The following PDE7B variants were observed in gnomAD, a reference collection of about 807,000 sequenced individuals.
PDE7B encodes the protein phosphodiesterase 7B.
PDE7B carries 29 observed loss-of-function variants against 56.2 expected under a neutral mutation model. The observed-to-expected ratio is 0.52, with a 90% CI of 0.38 to 0.70. The LOEUF (loss-of-function observed/expected upper bound fraction) is 0.70, where lower values mean the gene tolerates loss of function less well. Among genes scored for constraint, PDE7B ranks in the 30% least tolerant of loss-of-function variants. PDE7B has a pLI of 0.00. For missense variants in PDE7B, 490 were observed against 565.0 expected (o/e 0.87, Z 1.35); for synonymous variants, 197 against 196.9 (o/e 1.00, Z 0.00).
intron 3 of PDE7B, among the ~76,000 whole-genome samples, chr6:136,146,884 C>T (rs373522217): frequency 5.8e-4 from 88 of 152,220 alleles, no homozygotes; most frequent in African/African-American, 2.1e-3. Flanking sequence ...ATAAGAAATA[C>T]TAGTTAGGCC....
At chr6:136,155,521 G>A (rs1778588454) in intron 7 of PDE7B, 106 bp from the exon 8 acceptor site, 1 of 936,244 alleles carries the variant, frequency 1.1e-6, no homozygotes, top group Non-Finnish European at 1.6e-6. Flanking sequence ...TGGCTGATAG[G>A]CTTAAACAAT....
At chr6:135,978,649 CTTATT>C (rs1215220311) in intron 2 of PDE7B, among the ~76,000 whole-genome samples, 1 of 151,920 alleles carries the variant, frequency 6.6e-6, no homozygotes, top group Non-Finnish European at 1.5e-5. Flanking sequence ...TCTTTATACC[CTTATT>C]TTATAAGCTT....
chr6:136,040,234 C>T lies in PDE7B; in HGVS notation c.83-68497C>T, dbSNP rs1010108215. Among the ~76,000 whole-genome samples, 3 of 152,166 alleles carry T rather than the reference C, an allele frequency of 2.0e-5. No individual in the cohort carries two copies. The East Asian group carries it at 5.8e-4, about 29-fold the overall frequency. ...CCTGGTCTGCTGTTGAGGTTGCCTG[C>T]CTGTGTGGAGACAGGCTTTATAACA... is the stretch of plus-strand genomic sequence containing the variant. On this transcript the variant is annotated intron_variant, in intron 2 of 12. Transcript: ENST00000308191.
At chr6:135,881,524 A>G (rs9402770) in intron 1 of PDE7B, among the ~76,000 whole-genome samples, 3,006 of 152,106 alleles carry the variant, frequency 0.02, 41 homozygotes, top group South Asian at 0.036. Context: ...AAGAAATAGT[A>G]AGGTCAGTGT....
At chr6:135,992,740 GATATTAAA>G (rs766550785) in intron 2 of PDE7B, among the ~76,000 whole-genome samples, 3 of 152,152 alleles carry the variant, frequency 2.0e-5, no homozygotes, top group Non-Finnish European at 4.4e-5. Context: ...TTCATCTACG[GATATTAAA>G]ATATTATTTC....
At chr6:136,112,961 A>G (rs1213092352) in intron 3 of PDE7B, among the ~76,000 whole-genome samples, 1 of 152,158 alleles carries the variant, frequency 6.6e-6, no homozygotes, top group Non-Finnish European at 1.5e-5. Flanking sequence ...TTTCATTCCC[A>G]GAGTGTCCTG....
At chr6:135,943,737 A>T (rs1294966016) in intron 1 of PDE7B, among the ~76,000 whole-genome samples, 1 of 152,216 alleles carries the variant, frequency 6.6e-6, no homozygotes, top group Non-Finnish European at 1.5e-5. Context: ...ATCCACAAAG[A>T]TTTATGAAGG....
intron 2 of PDE7B, among the ~76,000 whole-genome samples, chr6:136,051,494 A>G (rs927690856): frequency 6.6e-6 from 1 of 152,240 alleles, no homozygotes; most frequent in Non-Finnish European, 1.5e-5. Flanking sequence ...TGCAAGAAGC[A>G]TATCCTGAAA....
intron 3 of PDE7B, among the ~76,000 whole-genome samples, chr6:136,127,284 G>T (rs981420106): frequency 6.6e-6 from 1 of 151,890 alleles, no homozygotes; most frequent in Non-Finnish European, 1.5e-5. Flanking sequence ...AGCCAAGAAT[G>T]CCCCCCCAAC....
intron 1 of PDE7B, among the ~76,000 whole-genome samples, chr6:135,873,269 A>C (rs1775423308): frequency 2.0e-5 from 3 of 152,216 alleles, no homozygotes; most frequent in Admixed American, 2.0e-4. Context: ...TCACAAACAC[A>C]AAATGACATG....
At chr6:135,981,526 AC>A (rs1562459543) in intron 2 of PDE7B, among the ~76,000 whole-genome samples, 1 of 150,660 alleles carries the variant, frequency 6.6e-6, no homozygotes, top group Non-Finnish European at 1.5e-5. Flanking sequence ...TAAAATTACT[AC>A]TTTTCAATTT....
Position 136,149,032 on chromosome 6 carries a change from T to C in PDE7B, c.319-55T>C, listed in dbSNP as rs551417393. The C allele has an allele frequency of 3.2e-4, 389 of 1,213,312 alleles. 2 individuals are homozygous for C. The East Asian group carries it at 8.8e-3, about 28-fold the overall frequency. The allele number at this position is 1,213,312 out of a possible 1,614,324, so 75.2% of individuals were successfully genotyped here. A position where few individuals can be genotyped will look rare whatever the true frequency, so the allele number is the denominator to read the frequency against. ...TTAATCCACTATATCCCAAAGTAAA[T>C]GTTTGAGTCTCCAGTGTGATTCATT... On this transcript the variant is annotated intron_variant, in intron 4 of 12. Transcript: ENST00000308191.
intron 2 of PDE7B, among the ~76,000 whole-genome samples, chr6:135,996,110 C>A (rs112368193): frequency 2.1e-4 from 32 of 152,212 alleles, no homozygotes; most frequent in African/African-American, 7.0e-4. Flanking sequence ...GACACAGGAT[C>A]TTTACCAAGA....
chr6:135,929,933 C>A (rs1774263089), intron 1 of PDE7B, among the ~76,000 whole-genome samples: 2 of 152,140 alleles, frequency 1.3e-5, no homozygotes, highest in Non-Finnish European at 2.9e-5. Context: ...AAACCTAGAG[C>A]AGTGTGTGAC....
chr6:136,051,811 C>T (rs1430700628), intron 2 of PDE7B, among the ~76,000 whole-genome samples: 1 of 152,144 alleles, frequency 6.6e-6, no homozygotes, highest in Non-Finnish European at 1.5e-5. Context: ...TTCCACCTTT[C>T]GTTCGCTACC....
At chr6:136,017,762 T>G (rs1215256392) in intron 2 of PDE7B, among the ~76,000 whole-genome samples, 2 of 152,160 alleles carry the variant, frequency 1.3e-5, no homozygotes, top group African/African-American at 2.4e-5. Flanking sequence ...ATACAATGAA[T>G]CATTCAAGCA....
chr6:135,956,438 T>C (rs1396269656), intron 2 of PDE7B, among the ~76,000 whole-genome samples: 1 of 152,050 alleles, frequency 6.6e-6, no homozygotes, highest in Non-Finnish European at 1.5e-5. Flanking sequence ...AGGTGGGTAG[T>C]GTGGAGCCAG....
intron 1 of PDE7B, among the ~76,000 whole-genome samples, chr6:135,882,854 C>T (rs541984993): frequency 7.9e-5 from 12 of 152,232 alleles, no homozygotes; most frequent in East Asian, 7.7e-4. Context: ...ACTAGATGGC[C>T]GGTAGTTTTA....
At chr6:136,040,418 G>A (rs1776393893) in intron 2 of PDE7B, among the ~76,000 whole-genome samples, 1 of 152,144 alleles carries the variant, frequency 6.6e-6, no homozygotes, top group Non-Finnish European at 1.5e-5. Context: ...AAAGATGAGT[G>A]GCTTCACTTT....
Sources: gnomAD v4.1 joint callset for allele counts (sites outside exome capture counted in the v4.1 genomes callset) on GRCh38, gnomAD v4.1.1 for gene constraint, MANE v1.5 for transcripts, NCBI Gene and HGNC (gene_info 2026-07-23, HGNC 2026-07-21) for gene names.